The following PRPSAP2 variants were observed in gnomAD, a reference collection of about 807,000 sequenced individuals.
PRPSAP2 encodes phosphoribosyl pyrophosphate synthetase associated protein 2.
PRPSAP2 carries 24 observed loss-of-function variants against 40.6 expected under a neutral mutation model. The observed-to-expected ratio is 0.59, with a 90% CI of 0.43 to 0.83. The LOEUF is 0.83. Ranked by LOEUF, PRPSAP2 falls within the 40% of genes least tolerant of loss-of-function variation. The pLI is 0.00. For synonymous variants in PRPSAP2, 149 were observed against 164.7 expected (o/e 0.90, Z 0.73); for missense variants, 292 against 465.6 (o/e 0.63, Z 3.43).
chr17:18,871,653 CTTTTTTTTT>C (rs142523345), intron 4 of PRPSAP2, among the ~76,000 whole-genome samples: 79,746 of 131,502 alleles, frequency 0.61, 22,062 homozygotes, highest in Middle Eastern at 0.68. Flanking sequence ...ATATAATTTT[CTTTTTTTTT>C]TTTTTTTTTT....
At chr17:18,860,526 C>T (rs1197126393) in intron 1 of PRPSAP2, 1 of 152,208 alleles carries the variant, frequency 6.6e-6, no homozygotes, top group East Asian at 1.9e-4. Context: ...GTCTCTGCTG[C>T]CTGGACCTTA....
At chr17:18,859,146 T>C (rs2036817488) in intron 1 of PRPSAP2, among the ~76,000 whole-genome samples, 1 of 152,232 alleles carries the variant, frequency 6.6e-6, no homozygotes, top group East Asian at 1.9e-4. Flanking sequence ...AAAAGTCTTA[T>C]GTTGACCACC....
intron 8 of PRPSAP2, among the ~76,000 whole-genome samples, chr17:18,902,524 T>G (rs898539268): frequency 6.6e-6 from 1 of 152,126 alleles, no homozygotes; most frequent in African/African-American, 2.4e-5. Flanking sequence ...AACTATTTAC[T>G]TCCAAGAATG....
At chr17:18,861,879 G>A (rs376009745) in intron 1 of PRPSAP2, among the ~76,000 whole-genome samples, 14 of 141,722 alleles carry the variant, frequency 9.9e-5, no homozygotes, top group African/African-American at 3.7e-4. Context: ...ATCTCAGCAT[G>A]TTCTTTTGTT....
In PRPSAP2 at chr17:18,877,944, C is replaced by T. The variant is rs932093297; in HGVS notation, c.412+74C>T. On this transcript the variant is annotated intron_variant, in intron 6 of 11. Transcript: ENST00000268835. ...TTTATTTATTCTCTCTTTTTTAAGA[C>T]AGGGTCTTGCCCTGTCACCTAGGCT... 6.2e-6 allele frequency: 9 copies of T among 1,450,428 alleles called. No individual in the cohort carries two copies. The African/African-American group carries it at 1.0e-4, about 16-fold the overall frequency. 89.8% of individuals were successfully genotyped at this position (1,450,428 alleles called of 1,614,324 possible).
intron 3 of PRPSAP2, among the ~76,000 whole-genome samples, 157 bp downstream of exon 3, chr17:18,866,109 C>G (rs1455631713): frequency 6.6e-6 from 1 of 151,448 alleles, no homozygotes; most frequent in Non-Finnish European, 1.5e-5. Context: ...TTTCATCATG[C>G]AAGATGTTCA....
intron 9 of PRPSAP2, among the ~76,000 whole-genome samples, chr17:18,922,667 A>ATT (rs2041750377): frequency 1.6e-5 from 2 of 123,302 alleles, no homozygotes; most frequent in Admixed American, 8.8e-5. Context: ...ATATATATAT[A>ATT]ATTTTTTTTT....
chr17:18,929,002 G>T, intron 11 of PRPSAP2, 45 bp downstream of exon 11: 1 of 1,582,666 alleles, frequency 6.3e-7, no homozygotes, highest in South Asian at 1.2e-5. Context: ...CTGGGCTTTT[G>T]GCACATCTTG....
rs2040963651 is a variant in PRPSAP2, at chr17:18,911,598, T to A, written c.733+347T>A. On this transcript the variant is annotated intron_variant, in intron 9 of 11. Coordinates refer to ENST00000268835, the MANE Select transcript of PRPSAP2 (RefSeq NM_002767.4). This position sits in a 1 kb window ranked among gnomAD's most constrained non-coding sequence, Gnocchi z 4.5. ...TACAAAGTTATTGACTGTGATGTTG[T>A]TTTTAATGCAAAATATTAGAAAGGT... Among the ~76,000 whole-genome samples the A allele has an allele frequency of 6.6e-6, 1 of 152,080 alleles. No homozygotes were observed. The highest frequency in any genetic ancestry group is 2.4e-5 in the African/African-American group (1 of 41,426).
At chr17:18,910,673 A>T (rs763126415) in intron 8 of PRPSAP2, among the ~76,000 whole-genome samples, 2 of 152,226 alleles carry the variant, frequency 1.3e-5, no homozygotes, top group Non-Finnish European at 2.9e-5. Context: ...ACAGTTTCTC[A>T]TATCTCAGTT....
rs908904357 is a variant in PRPSAP2, at chr17:18,872,632, C to T, written c.222C>T (p.Ile74=). ...CTGTGAGGGGAAAAGATGTTTTCAT[C>T]ATCCAAACTGTTTCGAAGTGAGTAT... The part of the protein sequence containing the change: ...QESVRGKDVF[I]IQTVSKDVNT... The change falls in exon 5 of 12, where the codon ATC becomes ATT. Residue 74 remains isoleucine, a synonymous_variant. Transcript: ENST00000268835. 1 of 1,597,660 alleles carries T rather than the reference C, an allele frequency of 6.3e-7. No individual in the cohort carries two copies.
chr17:18,901,257 C>T (rs918998214), intron 8 of PRPSAP2, among the ~76,000 whole-genome samples: 1 of 152,156 alleles, frequency 6.6e-6, no homozygotes, highest in African/African-American at 2.4e-5. Context: ...ATTTTTGGGT[C>T]GCTTCTTCTC....
chr17:18,928,909 G>A lies in PRPSAP2; in HGVS notation c.903G>A (p.Leu301=), dbSNP rs148635892. 77 of 1,614,114 alleles carry A rather than the reference G, an allele frequency of 4.8e-5. 1 individual carries two copies. The East Asian group carries it at 1.7e-3, about 35-fold the overall frequency. ...YKIFVMATHG[L]LSSDAPRRIE... is the part of the protein sequence containing the mutation. ...TCTTTGTGATGGCAACTCATGGCTT[G>A]TTGTCTTCTGACGCCCCCCGGCGGA... Residue 301 remains leucine (L), a synonymous_variant, in exon 11 of 12, where the codon TTG becomes TTA. Coordinates refer to ENST00000268835, the MANE Select transcript of PRPSAP2 (RefSeq NM_002767.4).
At chr17:18,898,752 C>T (rs756087168) in intron 8 of PRPSAP2, among the ~76,000 whole-genome samples, 6 of 152,210 alleles carry the variant, frequency 3.9e-5, no homozygotes, top group Middle Eastern at 3.4e-3. Context: ...TTGGTGTTTG[C>T]TGGACTTCTT....
At chr17:18,924,036 TTGA>T in intron 10 of PRPSAP2, 52 bp downstream of exon 10, 1 of 1,198,182 alleles carries the variant, frequency 8.3e-7, no homozygotes, top group Non-Finnish European at 1.2e-6. Flanking sequence ...TGTTATTCTG[TTGA>T]TTGATTGATT....
intron 9 of PRPSAP2, among the ~76,000 whole-genome samples, chr17:18,920,779 C>T (rs1017937672): frequency 1.6e-4 from 24 of 151,890 alleles, no homozygotes; most frequent in Non-Finnish European, 3.2e-4. Flanking sequence ...AAAATATTAT[C>T]CATAAAAGTT....
chr17:18,897,991 CT>C (rs71155370), intron 8 of PRPSAP2, among the ~76,000 whole-genome samples: 34 of 116,328 alleles, frequency 2.9e-4, no homozygotes, highest in African/African-American at 7.6e-4. Context: ...AGAATTTTTG[CT>C]TTTTTTTTTT....
chr17:18,866,071 A>G (rs1404539092), intron 3 of PRPSAP2, 119 bp downstream of exon 3: 4 of 699,658 alleles, frequency 5.7e-6, no homozygotes, highest in African/African-American at 1.9e-5. Context: ...TAAAATAATT[A>G]TATCTTTTTT....
At chr17:18,908,185 G>A (rs2040719516) in intron 8 of PRPSAP2, 2 of 630,206 alleles carry the variant, frequency 3.2e-6, no homozygotes, top group East Asian at 5.5e-5. Context: ...CAGATGCGGT[G>A]GGAAGAAGCT....
Sources: gnomAD v4.1 joint callset for allele counts (sites outside exome capture counted in the v4.1 genomes callset) on GRCh38, gnomAD v4.1.1 for gene constraint, Gnocchi (gnomAD v3.1) non-coding constraint, MANE v1.5 for transcripts, NCBI Gene and HGNC (gene_info 2026-07-23, HGNC 2026-07-21) for gene names.